The following CDH7 variants were observed in gnomAD, a reference collection of about 807,000 sequenced individuals.
CDH7 encodes the protein cadherin-7.
A neutral mutation model predicts 71.8 loss-of-function variants in CDH7; 25 were observed. The observed-to-expected ratio is 0.35, with a 90% confidence interval of 0.25 to 0.49. CDH7 has a LOEUF of 0.49. Ranked by LOEUF, CDH7 falls within the 20% of genes least tolerant of loss-of-function variation. The pLI is 0.99. For missense variants in CDH7, 862 were observed against 974.6 expected (o/e 0.88, Z 1.54); for synonymous variants, 381 against 363.8 (o/e 1.05, Z -0.54).
intron 4 of CDH7, among the ~76,000 whole-genome samples, chr18:65,816,949 A>G (rs1024427120): frequency 6.6e-6 from 1 of 152,218 alleles, no homozygotes; most frequent in Non-Finnish European, 1.5e-5. Flanking sequence ...GTAACCTGCA[A>G]GCAAACAGAT....
chr18:65,790,311 G>A (rs1910667967), intron 2 of CDH7, among the ~76,000 whole-genome samples: 1 of 151,642 alleles, frequency 6.6e-6, no homozygotes, highest in African/African-American at 2.4e-5. Context: ...TAAGTATAGA[G>A]GTATATGGGA....
At position 65,858,184 on chromosome 18, in the gene CDH7, C is replaced by T. The variant is rs538645750; in HGVS notation, c.1372+232C>T. Reference sequence around the variant, plus strand: ...ACTAAAAAACAATGGGCCTATATTACCTTCACAGGATTTCTTTTTTTCTGA... The same window carrying T: ...ACTAAAAAACAATGGGCCTATATTATCTTCACAGGATTTCTTTTTTTCTGA... On this transcript the variant is annotated intron_variant, in intron 8 of 11. Transcript: ENST00000397968. 1.7e-4 allele frequency among the ~76,000 whole-genome samples: 26 copies of T among 152,088 alleles called. No homozygotes were observed. In the East Asian group the frequency reaches 4.6e-3, roughly 27 times the overall value.
Position 65,880,838 on chromosome 18 carries a change from C to T in CDH7, c.2302C>T (p.Arg768Cys), listed in dbSNP as rs201024545. Residue 768 changes from arginine to cysteine, a missense_variant, in exon 12 of 12, where the codon CGC becomes TGC. By Grantham distance (180) the Arg-to-Cys change is radical. Coordinates refer to ENST00000397968, the MANE Select transcript of CDH7 (RefSeq NM_004361.5). ...NYDYLSDWGP[R>C]FKRLADMYGT... ...TGACTACCTAAGTGACTGGGGACCT[C>T]GCTTTAAACGACTCGCGGACATGTA... The T allele has an allele frequency of 5.5e-5, 89 of 1,613,960 alleles. No individual in the cohort carries two copies. Among genetic ancestry groups the T allele is most frequent in the Non-Finnish European group, 6.9e-5 (82 of 1,180,016 alleles).
chr18:65,864,764 G>A (rs146139962), intron 11 of CDH7, among the ~76,000 whole-genome samples: 26,997 of 151,226 alleles, frequency 0.18, 2,859 homozygotes, highest in Non-Finnish European at 0.24. Flanking sequence ...GGTGGCGGGC[G>A]CCTGTAGTCC....
intron 2 of CDH7, among the ~76,000 whole-genome samples, chr18:65,796,922 C>T (rs1369264223): frequency 2.6e-5 from 4 of 152,016 alleles, no homozygotes; most frequent in African/African-American, 4.8e-5. Flanking sequence ...TAAATGTAGC[C>T]GTTAAGAAAA....
At chr18:65,773,472 G>A (rs1916606207) in intron 2 of CDH7, among the ~76,000 whole-genome samples, 1 of 152,104 alleles carries the variant, frequency 6.6e-6, no homozygotes, top group Admixed American at 6.6e-5. Flanking sequence ...CAGGTAGCCT[G>A]AGGTCCATCT....
intron 7 of CDH7, among the ~76,000 whole-genome samples, chr18:65,857,317 TATAATAATA>T (rs4047847): frequency 0.088 from 11,582 of 131,740 alleles, 543 homozygotes; most frequent in Middle Eastern, 0.11. Flanking sequence ...ACCCTGCATC[TATAATAATA>T]ATAATAATAA....
chr18:65,786,877 C>G (rs543567950), intron 2 of CDH7, among the ~76,000 whole-genome samples: 1 of 152,124 alleles, frequency 6.6e-6, no homozygotes, highest in African/African-American at 2.4e-5. Flanking sequence ...TTTTTAGAGA[C>G]AGAGTCTTGG....
Position 65,862,757 on chromosome 18 carries a change from A to C in CDH7, c.1704A>C (p.Gly568=), listed in dbSNP as rs760287159. The change falls in exon 11 of 12, where the codon GGA becomes GGC. Residue 568 remains glycine (G), a synonymous_variant. Transcript: ENST00000397968. ...TGCCAATTTTCATTGTGGACAGTGG[A>C]TCTCCCTCACTTAGCAGCACCAACA... ...YYLPIFIVDS[G]SPSLSSTNTL... 4.5e-5 allele frequency: 72 copies of C among 1,614,004 alleles called. No homozygotes were observed. In the South Asian group the frequency reaches 7.8e-4, roughly 17 times the overall value.
intron 2 of CDH7, chr18:65,803,339 T>C (rs933833444): frequency 1.3e-5 from 2 of 152,208 alleles, no homozygotes; most frequent in African/African-American, 2.4e-5. Context: ...ATATGAGTAG[T>C]ATTTTTTCTT....
At chr18:65,792,245 A>G (rs1193686079) in intron 2 of CDH7, among the ~76,000 whole-genome samples, 1 of 143,892 alleles carries the variant, frequency 6.9e-6, no homozygotes, top group Non-Finnish European at 1.5e-5. Flanking sequence ...ATCTTAGAGA[A>G]TTTGGGAAAG....
chr18:65,814,151 A>C (rs1911639416), intron 3 of CDH7, among the ~76,000 whole-genome samples: 1 of 152,112 alleles, frequency 6.6e-6, no homozygotes, highest in African/African-American at 2.4e-5. Context: ...CTTGATGAAA[A>C]TATATTACCT....
chr18:65,872,478 T>C (rs1410651799), intron 11 of CDH7, among the ~76,000 whole-genome samples: 1 of 152,186 alleles, frequency 6.6e-6, no homozygotes, highest in African/African-American at 2.4e-5. Context: ...GATGGAATAG[T>C]GTGCCTGGAG....
At chr18:65,814,754 G>A (rs754197612) in intron 4 of CDH7, 150 bp downstream of exon 4, 1 of 587,508 alleles carries the variant, frequency 1.7e-6, no homozygotes, top group East Asian at 3.2e-5. Context: ...ATATTATTGA[G>A]GATTTATCAC....
intron 4 of CDH7, among the ~76,000 whole-genome samples, chr18:65,817,754 C>T (rs8082903): frequency 0.86 from 130,785 of 152,140 alleles, 57,950 homozygotes; most frequent in East Asian, 0.99. Context: ...TGATAAATGT[C>T]TGTAATAAAA....
At position 65,881,587 on chromosome 18, in the gene CDH7, A is replaced by G. The variant is rs1458512126; in HGVS notation, c.*693A>G. 1 of 152,082 alleles carries G rather than the reference A, an allele frequency of 6.6e-6. No homozygotes were observed. Among genetic ancestry groups the G allele is most frequent in the Non-Finnish European group, 1.5e-5 (1 of 68,024 alleles). The allele number at this position is 152,082 out of a possible 1,614,324, so 9.4% of individuals were successfully genotyped here. A position where few individuals can be genotyped will look rare whatever the true frequency, so the allele number is the denominator to read the frequency against. ...AGGTAAATAATTTGATAGTTTTGAG[A>G]TGCTTGTGTAGGTATGATAAAAAAA... is the stretch of plus-strand genomic sequence containing the variant. On this transcript the variant is annotated 3_prime_UTR_variant, in exon 12 of 12. Coordinates refer to ENST00000397968, the MANE Select transcript of CDH7 (RefSeq NM_004361.5).
intron 6 of CDH7, among the ~76,000 whole-genome samples, chr18:65,830,378 G>C (rs898152290): frequency 6.6e-6 from 1 of 152,070 alleles, no homozygotes; most frequent in Non-Finnish European, 1.5e-5. Context: ...TATTTCTCTT[G>C]AACACTTATT....
chr18:65,808,679 GT>G (rs764349854), intron 2 of CDH7, among the ~76,000 whole-genome samples: 6 of 150,744 alleles, frequency 4.0e-5, no homozygotes, highest in African/African-American at 1.2e-4. Context: ...TTTCCTTGGT[GT>G]TTTTTTTTCA....
chr18:65,790,220 CA>C (rs10552878), intron 2 of CDH7, among the ~76,000 whole-genome samples: 23,122 of 66,794 alleles, frequency 0.35, 1,617 homozygotes, highest in Middle Eastern at 0.44. Flanking sequence ...GACTCTCTCT[CA>C]AAAAAAAAAA....
Sources: gnomAD v4.1 joint callset for allele counts (sites outside exome capture counted in the v4.1 genomes callset) on GRCh38, gnomAD v4.1.1 for gene constraint, MANE v1.5 for transcripts, NCBI Gene and HGNC (gene_info 2026-07-23, HGNC 2026-07-21) for gene names.